The following SCNN1B variants were observed in gnomAD, a reference collection of about 807,000 sequenced individuals.
The protein encoded by SCNN1B is epithelial sodium channel subunit beta.
Under a neutral mutation model 65.3 loss-of-function variants are expected in SCNN1B, and 46 were observed. The observed-to-expected ratio is 0.70, with a 90% CI of 0.56 to 0.90. The LOEUF is 0.90. Among genes scored for constraint, SCNN1B ranks in the 40% least tolerant of loss-of-function variants. The pLI, the probability that SCNN1B is intolerant of heterozygous loss-of-function variation, is 0.00. For synonymous variants in SCNN1B, 349 were observed against 330.6 expected (o/e 1.06, Z -0.60); for missense variants, 751 against 830.5 (o/e 0.90, Z 1.18).
At chr16:23,319,676 C>T (rs927237666) in intron 1 of SCNN1B, among the ~76,000 whole-genome samples, 21 of 152,200 alleles carry the variant, frequency 1.4e-4, no homozygotes, top group African/African-American at 5.1e-4. Flanking sequence ...TGCTGCCTGG[C>T]CCTTTCCCGA....
chr16:23,375,878 G>C (rs762460518), intron 8 of SCNN1B, 23 bp downstream of exon 8: 3 of 1,481,818 alleles, frequency 2.0e-6, no homozygotes, highest in Non-Finnish European at 2.8e-6. Context: ...ACGGGGGATC[G>C]GCACTCCAGC....
chr16:23,333,263 C>A (rs1209080381), intron 1 of SCNN1B, among the ~76,000 whole-genome samples: 1 of 152,188 alleles, frequency 6.6e-6, no homozygotes, highest in Non-Finnish European at 1.5e-5. Flanking sequence ...CAGGGCCAGG[C>A]AGGCTAGGTT....
At chr16:23,342,569 G>T (rs1439411851) in intron 1 of SCNN1B, among the ~76,000 whole-genome samples, 3 of 152,100 alleles carry the variant, frequency 2.0e-5, no homozygotes, top group East Asian at 1.9e-4. Context: ...TCTATTAGGG[G>T]TGTCCAATCT....
chr16:23,348,952 C>A lies in SCNN1B; in HGVS notation c.311+42C>A. 2 of 1,531,352 alleles carry A rather than the reference C, an allele frequency of 1.3e-6. No homozygotes were observed. The highest frequency in any genetic ancestry group is 1.8e-6 in the Non-Finnish European group (2 of 1,105,186). 94.9% of individuals were successfully genotyped at this position (1,531,352 alleles called of 1,614,324 possible). On this transcript the variant is annotated intron_variant, in intron 2 of 12. Coordinates refer to ENST00000343070, the MANE Select transcript of SCNN1B (RefSeq NM_000336.3). This position sits in a 1 kb window ranked among gnomAD's most constrained non-coding sequence, Gnocchi z 4.5. Reference sequence around the variant, plus strand: ...TGCACAGCTGGCCTCAGCAGACAGGCGGTTCTCTTTCTCTCTTTTCTTCCC... The same window carrying A: ...TGCACAGCTGGCCTCAGCAGACAGGAGGTTCTCTTTCTCTCTTTTCTTCCC...
At chr16:23,353,203 G>A (rs368728109) in intron 3 of SCNN1B, 129 bp downstream of exon 3, 1 of 1,142,268 alleles carries the variant, frequency 8.8e-7, no homozygotes, top group South Asian at 1.3e-5. Context: ...TGTTTTGCTT[G>A]TTTGCAGAGA....
chr16:23,306,241 CA>C (rs528596295), intron 1 of SCNN1B, among the ~76,000 whole-genome samples: 1,111 of 105,852 alleles, frequency 0.01, 11 homozygotes, highest in African/African-American at 0.028. Flanking sequence ...GAAACTCTGT[CA>C]AAAAAAAAAA....
intron 1 of SCNN1B, among the ~76,000 whole-genome samples, chr16:23,314,215 A>G (rs1220660846): frequency 2.0e-5 from 3 of 151,990 alleles, no homozygotes; most frequent in Non-Finnish European, 4.4e-5. Context: ...TTTGGTAGAG[A>G]CAGGGTTTGG....
intron 1 of SCNN1B, among the ~76,000 whole-genome samples, chr16:23,311,228 C>T (rs1027382248): frequency 1.3e-5 from 2 of 152,246 alleles, no homozygotes; most frequent in Non-Finnish European, 2.9e-5. Flanking sequence ...CCACTGGTGG[C>T]CCCTTGGCAA....
rs137852710 is a variant in SCNN1B at position 23,380,493 on chromosome 16, G to A, written c.1615G>A (p.Glu539Lys). The change falls in exon 13 of 13, where the codon GAG becomes AAG. Residue 539 changes from glutamate (E) to lysine (K), a missense_variant. Glu to Lys is a moderately conservative substitution (Grantham distance 56). Transcript: ENST00000343070. This position sits in a 1 kb window ranked among gnomAD's most constrained non-coding sequence, Gnocchi z 5.4. The stretch of plus-strand genomic sequence containing the variant: ...GGGGGGCTCTGTGCTGTGCCTCATC[G>A]AGTTTGGGGAGATCATCATCGACTT... Reference protein sequence around the residue: ...WMGGSVLCLIEFGEIIIDFVW... With the variant: ...WMGGSVLCLIKFGEIIIDFVW... The A allele has an allele frequency of 3.1e-6, 5 of 1,614,108 alleles. No individual in the cohort carries two copies. Among genetic ancestry groups the A allele is most frequent in the Non-Finnish European group, 3.4e-6 (4 of 1,180,050 alleles).
intron 2 of SCNN1B, among the ~76,000 whole-genome samples, chr16:23,293,847 C>T (rs1437501002): frequency 6.6e-6 from 1 of 151,944 alleles, no homozygotes; most frequent in Admixed American, 6.6e-5. Flanking sequence ...TCTCTTGAGC[C>T]TAGGAGGTGG....
intron 7 of SCNN1B, among the ~76,000 whole-genome samples, chr16:23,374,706 G>C (rs950540323): frequency 2.6e-5 from 4 of 151,966 alleles, no homozygotes; most frequent in African/African-American, 9.7e-5. Flanking sequence ...AGACTCGTTA[G>C]GGGTAATAGA....
At chr16:23,353,432 C>A (rs1183158512) in intron 3 of SCNN1B, among the ~76,000 whole-genome samples, 1 of 152,238 alleles carries the variant, frequency 6.6e-6, no homozygotes, top group Non-Finnish European at 1.5e-5. Context: ...GGCGACTTCA[C>A]TCTCAGGCAA....
chr16:23,291,263 A>G (rs909098161), intron 2 of SCNN1B, among the ~76,000 whole-genome samples: 3 of 152,022 alleles, frequency 2.0e-5, no homozygotes, highest in African/African-American at 7.2e-5. Flanking sequence ...GGGTTTCACC[A>G]TGTTGGTCAA....
chr16:23,284,071 C>T (rs1399199203), intron 2 of SCNN1B, among the ~76,000 whole-genome samples: 1 of 152,124 alleles, frequency 6.6e-6, no homozygotes, highest in Non-Finnish European at 1.5e-5. Context: ...GTCAATTGAC[C>T]AGTTGGCAGT....
At chr16:23,291,560 A>G (rs950619034) in intron 2 of SCNN1B, among the ~76,000 whole-genome samples, 1 of 150,614 alleles carries the variant, frequency 6.6e-6, no homozygotes, top group Admixed American at 6.7e-5. Flanking sequence ...TTGTCTCTGC[A>G]TTTATTTTAT....
chr16:23,318,419 G>A (rs766597491), intron 1 of SCNN1B, among the ~76,000 whole-genome samples: 1 of 152,068 alleles, frequency 6.6e-6, no homozygotes, highest in Non-Finnish European at 1.5e-5. Context: ...GACCAGCCTG[G>A]CCAACATAGT....
chr16:23,353,614 C>G (rs1421158323), intron 3 of SCNN1B, among the ~76,000 whole-genome samples: 1 of 152,230 alleles, frequency 6.6e-6, no homozygotes, highest in Admixed American at 6.5e-5. Context: ...ATTGGCCAGT[C>G]CTGGGCCATG....
At chr16:23,365,844 T>C (rs1443864787) in intron 4 of SCNN1B, among the ~76,000 whole-genome samples, 1 of 152,228 alleles carries the variant, frequency 6.6e-6, no homozygotes, top group Non-Finnish European at 1.5e-5. Context: ...AGTAAGCAGC[T>C]CAAATCTGTT....
chr16:23,278,725 G>T (rs1206276221), intron 1 of SCNN1B, among the ~76,000 whole-genome samples: 1 of 151,984 alleles, frequency 6.6e-6, no homozygotes, highest in Admixed American at 6.6e-5. Flanking sequence ...GAGGCCAGGA[G>T]CTTAAGATCA....
Sources: allele counts gnomAD v4.1 joint callset (sites outside exome capture counted in the v4.1 genomes callset), GRCh38; gene constraint gnomAD v4.1.1; non-coding constraint Gnocchi (gnomAD v3.1); transcripts MANE v1.5; gene names NCBI Gene and HGNC (gene_info 2026-07-23, HGNC 2026-07-21).